CARD19: variants seen among roughly 807,000 people sequenced by gnomAD.
CARD19 encodes caspase recruitment domain family member 19.
Under a neutral mutation model 24.1 loss-of-function variants are expected in CARD19, and 25 were observed. The observed-to-expected ratio is 1.04, with a 90% CI of 0.76 to 1.45. The LOEUF is 1.45. CARD19 is among the 40% of genes most tolerant of loss of function. The pLI, the probability that CARD19 is intolerant of heterozygous loss-of-function variation, is 0.00. For synonymous variants in CARD19, 103 were observed against 104.9 expected (o/e 0.98, Z 0.11); for missense variants, 241 against 247.4 (o/e 0.97, Z 0.17).
At chr9:93,112,658 A>T (rs931149391) in intron 5 of CARD19, among the ~76,000 whole-genome samples, 1 of 152,128 alleles carries the variant, frequency 6.6e-6, no homozygotes, top group African/African-American at 2.4e-5. Flanking sequence ...CCTGATGCAC[A>T]GGAACCTTCC....
chr9:93,110,835 G>T, intron 3 of CARD19, 114 bp downstream of exon 3: 1 of 1,536,458 alleles, frequency 6.5e-7, no homozygotes, highest in Non-Finnish European at 8.7e-7. Flanking sequence ...CTGCAGCCCA[G>T]GCCTGGCATC....
intron 1 of CARD19, among the ~76,000 whole-genome samples, chr9:93,104,732 A>G (rs4744174): frequency 0.74 from 112,567 of 152,088 alleles, 44,414 homozygotes; most frequent in Non-Finnish European, 0.88. Context: ...TATCCAATTT[A>G]TTGGTATACA....
chr9:93,107,522 C>A, intron 1 of CARD19, 152 bp from the exon 2 acceptor site: 1 of 850,922 alleles, frequency 1.2e-6, no homozygotes, highest in Admixed American at 2.4e-5. Context: ...GCGCACCACA[C>A]AGGCTGGGAT....
At chr9:93,107,896 C>T in intron 2 of CARD19, 80 bp downstream of exon 2, 3 of 1,558,466 alleles carry the variant, frequency 1.9e-6, no homozygotes, top group Middle Eastern at 3.4e-4. Flanking sequence ...TGGTGACCAG[C>T]CCTGGGTCAT....
In CARD19 at chr9:93,112,257, G is replaced by A; in HGVS notation, c.404G>A (p.Gly135Glu). Residue 135 changes from glycine to glutamate, a missense_variant, in exon 5 of 6, where the codon GGA becomes GAA. Transcript: ENST00000375464. The part of the protein sequence containing the change: ...SFLAGLGLAV[G>E]LALLLYCYPP... ...CTGGCTGGCCTGGGCCTTGCTGTGG[G>A]ACTGGCCCTGCTCCTGTACTGCTAT... 1 of 1,544,896 alleles carries A rather than the reference G, an allele frequency of 6.5e-7. No individual in the cohort carries two copies. The highest frequency in any genetic ancestry group is 8.7e-7 in the Non-Finnish European group (1 of 1,147,044).
rs780748063 is a variant in CARD19 at position 93,110,675 on chromosome 9, C to G, written c.258C>G (p.Ile86Met). ...AGGAGTTCTACCGAGCCCTGTATATCCATGCCCAGCCCCTGCACAGCCGCC... is the reference window on the plus strand; with the variant it reads ...AGGAGTTCTACCGAGCCCTGTATATGCATGCCCAGCCCCTGCACAGCCGCC... ...DCQEFYRALY[I>M]HAQPLHSRLP... Residue 86 changes from isoleucine to methionine, a missense_variant, in exon 3 of 6, where the codon ATC (isoleucine) becomes ATG (methionine). Physicochemically the swap from Ile to Met is conservative, Grantham distance 10. Transcript: ENST00000375464. 9 of 1,613,338 alleles carry G rather than the reference C, an allele frequency of 5.6e-6. No individual in the cohort carries two copies. The highest frequency in any genetic ancestry group is 7.6e-6 in the Non-Finnish European group (9 of 1,180,014).
intron 1 of CARD19, among the ~76,000 whole-genome samples, chr9:93,106,414 T>TAAAAAAA (rs56137204): frequency 1.4e-4 from 14 of 102,888 alleles, no homozygotes; most frequent in African/African-American, 2.2e-4. Flanking sequence ...CTGTCTCTAC[T>TAAAAAAA]AAAAAAAAAA....
In CARD19 at chr9:93,113,080, C is replaced by G; in HGVS notation, c.525C>G (p.Phe175Leu). The G allele has an allele frequency of 6.3e-7, 1 of 1,590,610 alleles. No individual in the cohort carries two copies. The highest frequency in any genetic ancestry group is 1.1e-5 in the South Asian group (1 of 87,878). ...ATGTCAGCCGCTACCTGCTGGCCTTCCTGGCAGATGACCTAGGGGGGCTCT... is the reference window on the plus strand; with the variant it reads ...ATGTCAGCCGCTACCTGCTGGCCTTGCTGGCAGATGACCTAGGGGGGCTCT... ...DRHVSRYLLA[F>L]LADDLGGL The change falls in exon 6 of 6, where the codon TTC (phenylalanine) becomes TTG (leucine). Residue 175 changes from phenylalanine (F) to leucine (L), a missense_variant. Coordinates refer to ENST00000375464, the MANE Select transcript of CARD19 (RefSeq NM_032310.5).
intron 1 of CARD19, among the ~76,000 whole-genome samples, chr9:93,099,763 C>G (rs1827009841): frequency 6.6e-6 from 1 of 152,232 alleles, no homozygotes; most frequent in African/African-American, 2.4e-5. Flanking sequence ...TCCGCATAGG[C>G]TGCTGTGGGA....
At chr9:93,107,653 A>G (rs1827313089) in intron 1 of CARD19, 21 bp from the exon 2 acceptor site, 1 of 1,613,954 alleles carries the variant, frequency 6.2e-7, no homozygotes, top group Non-Finnish European at 8.5e-7. Flanking sequence ...CTGGCTCATG[A>G]CCCTGTGCTA....
Position 93,110,593 on chromosome 9 carries a change from G to T in CARD19, c.176G>T (p.Arg59Leu), listed in dbSNP as rs200833853. Residue 59 changes from arginine to leucine, a missense_variant, in exon 3 of 6, where the codon CGT becomes CTT. By Grantham distance (102) the Arg-to-Leu change is moderately radical (BLOSUM62 -2). Transcript: ENST00000375464. The part of the protein sequence containing the change: ...EKFRNPKASL[R>L]VRLCDLLSHL... ...TTCCGGAACCCCAAGGCATCCTTGC[G>T]TGTGCGGCTCTGTGACCTCCTGAGC... 1 of 1,611,280 alleles carries T rather than the reference G, an allele frequency of 6.2e-7. No homozygotes were observed. Among genetic ancestry groups the T allele is most frequent in the African/African-American group, 1.3e-5 (1 of 74,868 alleles).
In CARD19 at chr9:93,107,748, G is replaced by A. The variant is rs974546243; in HGVS notation, c.82G>A (p.Val28Met). The A allele has an allele frequency of 4.3e-6, 7 of 1,614,124 alleles. No individual in the cohort carries two copies. Among genetic ancestry groups the A allele is most frequent in the Admixed American group, 1.7e-5 (1 of 60,006 alleles). Reference sequence around the variant, plus strand: ...CCATGGGCGCTTGAGTGAGCAGCAGGTGGACAGGATCATCCTCCAGCTGAA... The same window carrying A: ...CCATGGGCGCTTGAGTGAGCAGCAGATGGACAGGATCATCCTCCAGCTGAA... ...TGHGRLSEQQ[V>M]DRIILQLNRY... The change falls in exon 2 of 6, where the codon GTG becomes ATG. Residue 28 changes from valine to methionine, a missense_variant. Physicochemically the swap from Val to Met is conservative, Grantham distance 21 (BLOSUM62 1). Coordinates refer to ENST00000375464, the MANE Select transcript of CARD19 (RefSeq NM_032310.5).
chr9:93,108,896 G>C (rs537126981), intron 2 of CARD19: 1 of 152,416 alleles, frequency 6.6e-6, no homozygotes, highest in African/African-American at 2.4e-5. Context: ...AGGTGGCCCT[G>C]AGGGGACATT....
intron 2 of CARD19, chr9:93,110,277 G>T (rs10992636): frequency 0.79 from 299,670 of 378,500 alleles, 122,990 homozygotes; most frequent in Non-Finnish European, 0.87. Context: ...TTACAGGCAT[G>T]AGCCACCGCA....
chr9:93,111,370 G>C, intron 3 of CARD19: 1 of 1,100,108 alleles, frequency 9.1e-7, no homozygotes, highest in Non-Finnish European at 1.1e-6. Flanking sequence ...ACGCCTCTGT[G>C]CTCAGGGCCC....
Position 93,113,160 on chromosome 9 carries a change from C to T in CARD19, c.*53C>T, listed in dbSNP as rs1300331696. On this transcript the variant is annotated 3_prime_UTR_variant, in exon 6 of 6. Coordinates refer to ENST00000375464, the MANE Select transcript of CARD19 (RefSeq NM_032310.5). ...CCACTCAACCAAAGAGTCCTCGAGC[C>T]GGCCCGCCAAGGGGACTGCTGCTTC... 30 of 1,212,414 alleles carry T rather than the reference C, an allele frequency of 2.5e-5. No individual in the cohort carries two copies. In the East Asian group the frequency reaches 4.5e-4, roughly 18 times the overall value. 75.1% of individuals were successfully genotyped at this position (1,212,414 alleles called of 1,614,324 possible). A position where few individuals can be genotyped will look rare whatever the true frequency, so the allele number is the denominator to read the frequency against.
chr9:93,108,293 A>C (rs1275906960), intron 2 of CARD19, among the ~76,000 whole-genome samples: 1 of 152,154 alleles, frequency 6.6e-6, no homozygotes, highest in Non-Finnish European at 1.5e-5. Context: ...CCGAAGGTTC[A>C]AAGCGGGCAA....
chr9:93,096,384 G>A lies in CARD19; in HGVS notation c.7+32G>A. 1 of 1,225,118 alleles carries A rather than the reference G, an allele frequency of 8.2e-7. No individual in the cohort carries two copies. Among genetic ancestry groups the A allele is most frequent in the Non-Finnish European group, 1.0e-6 (1 of 983,526 alleles). The allele number at this position is 1,225,118 out of a possible 1,614,324, so 75.9% of individuals were successfully genotyped here. A position where few individuals can be genotyped will look rare whatever the true frequency, so the allele number is the denominator to read the frequency against. On this transcript the variant is annotated intron_variant, in intron 1 of 5. Transcript: ENST00000375464. The surrounding 1 kb of genome is among the most constrained non-coding windows in gnomAD (Gnocchi z 5.4). Reference sequence around the variant, plus strand: ...ACGGGGTCGGCTGGGCGGCAGGGATGCGGGCGCCCTGGATGGGTGGCCCGG... The same window carrying A: ...ACGGGGTCGGCTGGGCGGCAGGGATACGGGCGCCCTGGATGGGTGGCCCGG...
At chr9:93,107,172 C>T (rs970525542) in intron 1 of CARD19, among the ~76,000 whole-genome samples, 4 of 152,074 alleles carry the variant, frequency 2.6e-5, no homozygotes, top group South Asian at 2.1e-4. Context: ...ATCTGCAGAG[C>T]GCACATCTGG....
Sources: allele counts gnomAD v4.1 joint callset (sites outside exome capture counted in the v4.1 genomes callset), GRCh38; gene constraint gnomAD v4.1.1; non-coding constraint Gnocchi (gnomAD v3.1); transcripts MANE v1.5; gene names NCBI Gene and HGNC (gene_info 2026-07-23, HGNC 2026-07-21).